The following CELF2 variants were observed in gnomAD, a reference collection of about 807,000 sequenced individuals.
CELF2 encodes the protein CUG triplet repeat RNA-binding protein 2.
A neutral mutation model predicts 62.6 loss-of-function variants in CELF2; 8 were observed. The observed-to-expected ratio is 0.13, with a 90% CI of 0.07 to 0.23. The LOEUF (loss-of-function observed/expected upper bound fraction) is 0.23. Ranked by LOEUF, CELF2 falls within the 10% of genes least tolerant of loss-of-function variation. The pLI is 1.00. For missense variants in CELF2, 333 were observed against 671.0 expected (o/e 0.50, Z 5.56); for synonymous variants, 258 against 250.0 (o/e 1.03, Z -0.30).
chr10:11,251,802 G>A (rs72775837), intron 4 of CELF2, among the ~76,000 whole-genome samples: 15,177 of 152,258 alleles, frequency 0.1, 989 homozygotes, highest in South Asian at 0.15. Context: ...TACCCGGCAC[G>A]TAGCAAGTAT....
chr10:11,100,864 C>G (rs2051403906), intron 1 of CELF2, among the ~76,000 whole-genome samples: 1 of 152,192 alleles, frequency 6.6e-6, no homozygotes, highest in African/African-American at 2.4e-5. Context: ...TGATTTTCTT[C>G]TCTTCTGTGA....
At chr10:10,622,795 C>T in the CELF2 span, among the ~76,000 whole-genome samples, 1 of 152,012 alleles carries the variant, frequency 6.6e-6, no homozygotes, top group South Asian at 2.1e-4. Flanking sequence ...AGGTGATAAA[C>T]AATACAATTG....
chr10:10,804,384 A>C (rs557498766), intron 1 of CELF2, among the ~76,000 whole-genome samples: 9 of 152,380 alleles, frequency 5.9e-5, no homozygotes, highest in African/African-American at 2.2e-4. Flanking sequence ...AACTTGGTCC[A>C]TGATCTAGAC....
At chr10:10,786,918 CAG>C in the CELF2 span, among the ~76,000 whole-genome samples, 3 of 151,196 alleles carry the variant, frequency 2.0e-5, no homozygotes, top group African/African-American at 7.3e-5. Flanking sequence ...CACACACACA[CAG>C]GAGTGCAGGG....
the CELF2 span, among the ~76,000 whole-genome samples, chr10:10,607,823 G>T: frequency 2.0e-5 from 3 of 152,212 alleles, no homozygotes; most frequent in Admixed American, 6.5e-5. Context: ...GGGCATGGTG[G>T]CTCAGGCCTG....
intron 1 of CELF2, among the ~76,000 whole-genome samples, chr10:11,056,184 A>T (rs1015953368): frequency 2.0e-5 from 3 of 152,220 alleles, no homozygotes; most frequent in African/African-American, 7.2e-5. Context: ...AATTCTATAA[A>T]GCTCTTTAAA....
the CELF2 span, among the ~76,000 whole-genome samples, chr10:10,641,308 C>T: frequency 2.0e-5 from 3 of 152,204 alleles, no homozygotes; most frequent in African/African-American, 4.8e-5. Flanking sequence ...GTGGAAATCA[C>T]GCAGTACTTT....
Position 11,332,541 on chromosome 10 carries a change from T to TGA in CELF2, c.*3489_*3490dup, listed in dbSNP as rs2096047397. 6.6e-6 allele frequency: 1 copy of TGA among 152,344 alleles called. No individual in the cohort carries two copies. The highest frequency in any genetic ancestry group is 2.4e-5 in the African/African-American group (1 of 41,162). 9.4% of individuals were successfully genotyped at this position (152,344 alleles called of 1,614,324 possible). ...TGCTGCCACTTTTTAAAGTGCCATATGACTTTCTACGAACAGGTACCTTGC... is the reference window on the plus strand; with the variant it reads ...TGCTGCCACTTTTTAAAGTGCCATATGAGACTTTCTACGAACAGGTACCTTGC... On this transcript the variant is annotated 3_prime_UTR_variant, in exon 13 of 13. Transcript: ENST00000633077.
chr10:11,022,018 A>G (rs956815418), intron 1 of CELF2, among the ~76,000 whole-genome samples: 3 of 152,248 alleles, frequency 2.0e-5, no homozygotes, highest in African/African-American at 7.2e-5. Flanking sequence ...CAAGATAAAG[A>G]TCAAAAGCAG....
chr10:11,044,878 T>C (rs893525882), intron 1 of CELF2, among the ~76,000 whole-genome samples: 6 of 152,254 alleles, frequency 3.9e-5, no homozygotes, highest in Non-Finnish European at 1.5e-5. Flanking sequence ...ACAAAATATG[T>C]CCACGTATTT....
At chr10:11,085,243 A>G (rs2046385827) in intron 1 of CELF2, among the ~76,000 whole-genome samples, 1 of 152,240 alleles carries the variant, frequency 6.6e-6, no homozygotes, top group African/African-American at 2.4e-5. Context: ...TTTACAGACA[A>G]GAAAACTAGA....
intron 3 of CELF2, among the ~76,000 whole-genome samples, chr10:11,221,988 C>T (rs1323040518): frequency 6.6e-6 from 1 of 152,210 alleles, no homozygotes; most frequent in African/African-American, 2.4e-5. Context: ...GGGAAATGGC[C>T]TCCTGGGACA....
chr10:10,759,308 T>C, the CELF2 span, among the ~76,000 whole-genome samples: 397 of 108,668 alleles, frequency 3.7e-3, 2 homozygotes, highest in East Asian at 9.2e-3. Flanking sequence ...TTTTTTTTTT[T>C]TTTTTTTTTT....
At chr10:11,221,102 G>T (rs1046272686) in intron 3 of CELF2, among the ~76,000 whole-genome samples, 1 of 152,234 alleles carries the variant, frequency 6.6e-6, no homozygotes, top group Non-Finnish European at 1.5e-5. Context: ...CACTGTGAGT[G>T]TATCTGCACA....
chr10:10,718,413 C>G, the CELF2 span, among the ~76,000 whole-genome samples: 1 of 152,088 alleles, frequency 6.6e-6, no homozygotes, highest in South Asian at 2.1e-4. Flanking sequence ...CACCTGAGGT[C>G]GGGAGTTCGA....
the CELF2 span, among the ~76,000 whole-genome samples, chr10:10,494,419 G>C: frequency 6.6e-6 from 1 of 152,182 alleles, no homozygotes; most frequent in East Asian, 1.9e-4. Flanking sequence ...AGAGAAATGG[G>C]CATTCTGAGA....
At chr10:10,948,441 T>G (rs528502399) in intron 2 of CELF2, 1 of 152,228 alleles carries the variant, frequency 6.6e-6, no homozygotes. Flanking sequence ...ATTTGGGGGC[T>G]GCTGTCAAAG....
chr10:10,804,392 G>A (rs1402188639), intron 1 of CELF2, among the ~76,000 whole-genome samples: 1 of 152,238 alleles, frequency 6.6e-6, no homozygotes, highest in African/African-American at 2.4e-5. Context: ...CCATGATCTA[G>A]ACTAATGATC....
chr10:10,524,481 G>T, the CELF2 span, among the ~76,000 whole-genome samples: 4 of 150,816 alleles, frequency 2.7e-5, no homozygotes, highest in East Asian at 7.8e-4. Flanking sequence ...TGAGTTATGG[G>T]GACTGTGGCC....
Sources: allele counts gnomAD v4.1 joint callset (sites outside exome capture counted in the v4.1 genomes callset), GRCh38; gene constraint gnomAD v4.1.1; transcripts MANE v1.5; gene names NCBI Gene and HGNC (gene_info 2026-07-23, HGNC 2026-07-21).